Variants in TSC22D1 observed in about 807,000 individuals in gnomAD.
The protein encoded by TSC22D1 is TSC22 domain family member 1.
TSC22D1 carries 9 observed loss-of-function variants against 74.2 expected under a neutral mutation model. The ratio of observed to expected loss-of-function variants is 0.12; its 90% confidence interval spans 0.07 to 0.21. TSC22D1 has a LOEUF of 0.21. Ranked by LOEUF, TSC22D1 falls within the 10% of genes least tolerant of loss-of-function variation. The probability of loss-of-function intolerance (pLI) is 1.00; values close to 1 mark genes in which losing one functional copy is unlikely to be tolerated. For synonymous variants in TSC22D1, 586 were observed against 492.5 expected, an observed-to-expected ratio of 1.19 and a Z score of -2.51; for missense variants, 1,427 against 1,304.7, an observed-to-expected ratio of 1.09 and a Z score of -1.44.
chr13:44,470,829 G>A (rs371185478), intron 1 of TSC22D1, among the ~76,000 whole-genome samples: 5 of 152,110 alleles, frequency 3.3e-5, no homozygotes, highest in South Asian at 4.1e-4. Flanking sequence ...GCAAGTTGAC[G>A]TCAGACCCAG....
chr13:44,524,403 C>T (rs542494842), intron 1 of TSC22D1, among the ~76,000 whole-genome samples: 1 of 152,188 alleles, frequency 6.6e-6, no homozygotes, highest in Admixed American at 6.5e-5. Flanking sequence ...TCACAGCTTA[C>T]CAGAAGCAGC....
rs529216809 is a variant in TSC22D1 at position 44,535,932 on chromosome 13, C to T, written c.2912+37231G>A. ...TTTTAACTTCCATGCCCAACCTACC[C>T]TTTCATACACATATAGGAAAAGCTT... On this transcript the variant is annotated intron_variant, in intron 1 of 2. Coordinates refer to ENST00000458659, the MANE Select transcript of TSC22D1 (RefSeq NM_183422.4). Among the ~76,000 whole-genome samples, 5 of 152,022 alleles carry T rather than the reference C, an allele frequency of 3.3e-5. No individual in the cohort carries two copies. In the East Asian group the frequency reaches 9.6e-4, roughly 29 times the overall value.
chr13:44,509,303 C>T (rs1248383782), intron 1 of TSC22D1, among the ~76,000 whole-genome samples: 1 of 152,138 alleles, frequency 6.6e-6, no homozygotes, highest in Non-Finnish European at 1.5e-5. Flanking sequence ...GATGGTTGCA[C>T]AACAATGTGA....
chr13:44,438,134 T>TC (rs1405742077), intron 1 of TSC22D1, among the ~76,000 whole-genome samples: 1 of 152,168 alleles, frequency 6.6e-6, no homozygotes, highest in East Asian at 1.9e-4. Flanking sequence ...AGTTTCCAAG[T>TC]CAATACATGC....
intron 1 of TSC22D1, among the ~76,000 whole-genome samples, chr13:44,470,202 T>G (rs996971284): frequency 2.0e-5 from 3 of 152,100 alleles, no homozygotes; most frequent in Non-Finnish European, 4.4e-5. Flanking sequence ...GAAAGAAAAC[T>G]TCCCCCTAGT....
Position 44,571,900 on chromosome 13 carries a change from CTAAA to C in TSC22D1, c.2912+1259_2912+1262del, listed in dbSNP as rs1424897382. 2.6e-5 allele frequency among the ~76,000 whole-genome samples: 4 copies of C among 151,998 alleles called. No homozygotes were observed. In the East Asian group the frequency reaches 7.7e-4, roughly 29 times the overall value. On this transcript the variant is annotated intron_variant, in intron 1 of 2. Transcript: ENST00000458659. ...TGTCTTTATCTTACCTTTTAAACAA[CTAAA>C]TAACACAAACCTCACTGAAACATTT...
intron 1 of TSC22D1, among the ~76,000 whole-genome samples, chr13:44,450,816 T>G (rs768458241): frequency 1.3e-5 from 2 of 152,098 alleles, no homozygotes; most frequent in Non-Finnish European, 2.9e-5. Context: ...TAAGAAAAGT[T>G]GTTAGGTTAG....
intron 1 of TSC22D1, among the ~76,000 whole-genome samples, chr13:44,500,750 T>G (rs1391039079): frequency 6.6e-6 from 1 of 152,152 alleles, no homozygotes; most frequent in Non-Finnish European, 1.5e-5. Flanking sequence ...AGTGGCGCAA[T>G]CATAGCTCAC....
chr13:44,538,388 C>T, intron 1 of TSC22D1: 2 of 985,262 alleles, frequency 2.0e-6, no homozygotes, highest in Non-Finnish European at 2.4e-6. Flanking sequence ...GAAGTTCACC[C>T]TTTATTTACT....
Position 44,573,439 on chromosome 13 carries a change from G to T in TSC22D1, c.2636C>A (p.Ala879Glu). 6.2e-7 allele frequency: 1 copy of T among 1,614,248 alleles called. No homozygotes were observed. Among genetic ancestry groups the T allele is most frequent in the East Asian group, 2.2e-5 (1 of 44,890 alleles). Residue 879 changes from alanine (A) to glutamate (E), a missense_variant, in exon 1 of 3, where the codon GCA (alanine) becomes GAA (glutamate). By Grantham distance (107) the Ala-to-Glu change is moderately radical. Transcript: ENST00000458659. ...TGCCAAAGGCAAATTTGTATTAGTT[G>T]CTATCAAGGGAGGTTGACTAACACT... The part of the protein sequence containing the change: ...VQSVSQPPLI[A>E]TNTNLPLAQQ...
In TSC22D1 at chr13:44,575,767, G is replaced by C; in HGVS notation, c.308C>G (p.Thr103Ser). Residue 103 changes from threonine (T) to serine (S), a missense_variant, in exon 1 of 3, where the codon ACT becomes AGT. Physicochemically the swap from Thr to Ser is moderately conservative, Grantham distance 58 (BLOSUM62 1). Transcript: ENST00000458659. ...LQAQPLAPGG[T>S]QMKKKSGFQI... ...GAAGCCACTTTTCTTTTTCATTTGAGTTCCGCCTGGCGCAAGAGGCTGTGC... is the reference window on the plus strand; with the variant it reads ...GAAGCCACTTTTCTTTTTCATTTGACTTCCGCCTGGCGCAAGAGGCTGTGC... 6.2e-7 allele frequency: 1 copy of C among 1,614,210 alleles called. No individual in the cohort carries two copies. Among genetic ancestry groups the C allele is most frequent in the Non-Finnish European group, 8.5e-7 (1 of 1,180,034 alleles).
At chr13:44,459,253 G>A (rs1418240785) in intron 1 of TSC22D1, among the ~76,000 whole-genome samples, 1 of 152,202 alleles carries the variant, frequency 6.6e-6, no homozygotes, top group African/African-American at 2.4e-5. Context: ...TCGACTTGTG[G>A]GGAATGACCT....
At chr13:44,494,645 G>A (rs928170305) in intron 1 of TSC22D1, among the ~76,000 whole-genome samples, 4 of 152,032 alleles carry the variant, frequency 2.6e-5, no homozygotes, top group African/African-American at 9.7e-5. Flanking sequence ...TGAGGAAGGG[G>A]AAGAATCTGA....
intron 1 of TSC22D1, among the ~76,000 whole-genome samples, chr13:44,543,688 T>G (rs927029781): frequency 2.0e-5 from 3 of 152,208 alleles, no homozygotes; most frequent in African/African-American, 7.2e-5. Context: ...GCTTTACAAA[T>G]AAGTTACTGA....
rs757143551 is a variant in TSC22D1, at chr13:44,575,676, C to T, written c.399G>A (p.Glu133=). The change falls in exon 1 of 3, where the codon GAG becomes GAA. Residue 133 remains glutamate, a synonymous_variant. Coordinates refer to ENST00000458659, the MANE Select transcript of TSC22D1 (RefSeq NM_183422.4). ...CCAGATCATCATAGCTCTCAGTGTC[C>T]TCTGCTATACTGTTGTTAGAGCTGA... ...ASISSNNSIA[E]DTESYDDLDE... 6.2e-7 allele frequency: 1 copy of T among 1,614,204 alleles called. No homozygotes were observed. Among genetic ancestry groups the T allele is most frequent in the Non-Finnish European group, 8.5e-7 (1 of 1,180,038 alleles).
intron 1 of TSC22D1, among the ~76,000 whole-genome samples, chr13:44,479,879 T>C (rs562816093): frequency 5.3e-5 from 8 of 152,340 alleles, no homozygotes; most frequent in Non-Finnish European, 1.2e-4. Flanking sequence ...CATCCTATTA[T>C]TTATTTAGGA....
chr13:44,524,203 G>C (rs1880445518), intron 1 of TSC22D1, among the ~76,000 whole-genome samples: 1 of 151,556 alleles, frequency 6.6e-6, no homozygotes, highest in South Asian at 2.1e-4. Flanking sequence ...GGCAAATTCA[G>C]ACACTGAAAA....
At chr13:44,496,698 A>C (rs966517894) in intron 1 of TSC22D1, among the ~76,000 whole-genome samples, 7 of 152,004 alleles carry the variant, frequency 4.6e-5, no homozygotes, top group Non-Finnish European at 1.0e-4. Context: ...AAAAATAGTA[A>C]TAATAATAAA....
At position 44,573,218 on chromosome 13, in the gene TSC22D1, A is replaced by G; in HGVS notation, c.2857T>C (p.Phe953Leu). The G allele has an allele frequency of 6.2e-7, 1 of 1,614,208 alleles. No individual in the cohort carries two copies. The highest frequency in any genetic ancestry group is 8.5e-7 in the Non-Finnish European group (1 of 1,180,034). ...GTCAGCGGTAGCACCTTCAACGGGA[A>G]AAGAGAAGCAGAGGCTGCTAGGCTG... is the stretch of plus-strand genomic sequence containing the variant. ...SSSLAASASL[F>L]PLKVLPLTTP... The change falls in exon 1 of 3, where the codon TTC (phenylalanine) becomes CTC (leucine). Residue 953 changes from phenylalanine to leucine, a missense_variant. Physicochemically the swap from Phe to Leu is conservative, Grantham distance 22. Coordinates refer to ENST00000458659, the MANE Select transcript of TSC22D1 (RefSeq NM_183422.4).
Sources: gnomAD v4.1 joint callset for allele counts (sites outside exome capture counted in the v4.1 genomes callset) on GRCh38, gnomAD v4.1.1 for gene constraint, MANE v1.5 for transcripts, NCBI Gene and HGNC (gene_info 2026-07-23, HGNC 2026-07-21) for gene names.